Variants in CWC22 observed in about 807,000 individuals in gnomAD.
CWC22 encodes the protein pre-mRNA-splicing factor CWC22 homolog.
CWC22 carries 53 observed loss-of-function variants against 117.2 expected under a neutral mutation model. That is an observed-to-expected ratio of 0.45 (90% CI 0.36 to 0.57). The LOEUF is 0.57. CWC22 is among the 20% of genes least tolerant of loss of function. CWC22 has a pLI of 0.00. For synonymous variants in CWC22, 360 were observed against 355.6 expected (o/e 1.01, Z -0.14); for missense variants, 980 against 1,068.8 (o/e 0.92, Z 1.16).
chr2:179,981,866 G>T lies in CWC22; in HGVS notation c.338C>A (p.Pro113His). The change falls in exon 5 of 20, where the codon CCT (proline) becomes CAT (histidine). Residue 113 changes from proline to histidine, a missense_variant. Transcript: ENST00000410053. The stretch of plus-strand genomic sequence containing the variant: ...CTCATCTTTCTTTTTCTTTGTAGCA[G>T]GTTCATCCTGAGCAGAGGAACTCTG... ...VTQSSSAQDE[P>H]ATKKKKDELD... 6.2e-7 allele frequency: 1 copy of T among 1,613,120 alleles called. No individual in the cohort carries two copies. The highest frequency in any genetic ancestry group is 1.1e-5 in the South Asian group (1 of 90,858).
At chr2:179,973,137 C>G in intron 8 of CWC22, 56 bp downstream of exon 8, 2 of 1,151,052 alleles carry the variant, frequency 1.7e-6, no homozygotes, top group Non-Finnish European at 2.5e-6. Flanking sequence ...GAAGTGGCAT[C>G]AACCCTCTGG....
At chr2:179,997,179 A>G (rs1160929211) in intron 1 of CWC22, among the ~76,000 whole-genome samples, 1 of 152,076 alleles carries the variant, frequency 6.6e-6, no homozygotes, top group Non-Finnish European at 1.5e-5. Context: ...GAGTATATAT[A>G]TGTATAGTAT....
At chr2:179,961,429 C>G (rs1239043645) in intron 13 of CWC22, among the ~76,000 whole-genome samples, 3 of 151,258 alleles carry the variant, frequency 2.0e-5, no homozygotes, top group South Asian at 2.1e-4. Context: ...TGGTACAAGG[C>G]AATGAAATAA....
intron 16 of CWC22, among the ~76,000 whole-genome samples, chr2:179,953,322 G>C (rs1459557702): frequency 2.0e-5 from 3 of 152,002 alleles, no homozygotes; most frequent in Non-Finnish European, 2.9e-5. Context: ...TTGAGATATT[G>C]CCTCATTCTA....
intron 2 of CWC22, among the ~76,000 whole-genome samples, chr2:179,990,747 T>C (rs985996138): frequency 1.3e-5 from 2 of 152,174 alleles, no homozygotes; most frequent in Admixed American, 1.3e-4. Flanking sequence ...ACATCTGTTG[T>C]GAGCAAGAGG....
Position 179,952,514 on chromosome 2 carries a change from C to A in CWC22, c.1774G>T (p.Glu592Ter). ...FVKIFFQELC[E>*]YMGLPKLNAR... ...TTAAGTTTAGGAAGACCCATGTATT[C>A]ACACAGTTCCTGGAAAAATATTTTG... The change falls in exon 17 of 20, where the codon GAA (glutamate) becomes TAA (stop). Residue 592 changes from glutamate to a stop codon, truncating the protein, a stop_gained. Coordinates refer to ENST00000410053, the MANE Select transcript of CWC22 (RefSeq NM_020943.3). LOFTEE classifies it high-confidence loss of function. The A allele has an allele frequency of 6.4e-7, 1 of 1,568,786 alleles. No individual in the cohort carries two copies. The highest frequency in any genetic ancestry group is 1.2e-5 in the South Asian group (1 of 84,724).
intron 19 of CWC22, 46 bp from the exon 20 acceptor site, chr2:179,945,761 A>C (rs765660632): frequency 8.6e-7 from 1 of 1,166,720 alleles, no homozygotes; most frequent in South Asian, 1.5e-5. Context: ...TTCAATCTTA[A>C]TTTCATAATT....
At chr2:180,000,101 T>C (rs1204236178) in intron 1 of CWC22, among the ~76,000 whole-genome samples, 1 of 152,234 alleles carries the variant, frequency 6.6e-6, no homozygotes, top group Non-Finnish European at 1.5e-5. Context: ...AAAACTTACT[T>C]GTTTTAGAAA....
intron 1 of CWC22, among the ~76,000 whole-genome samples, chr2:180,001,378 C>T (rs1313776438): frequency 6.6e-6 from 1 of 150,554 alleles, no homozygotes; most frequent in Non-Finnish European, 1.5e-5. Flanking sequence ...CAGGCTGGAG[C>T]GCAGTGGCAT....
chr2:179,999,134 A>G (rs1439133708), intron 1 of CWC22, among the ~76,000 whole-genome samples: 1 of 152,166 alleles, frequency 6.6e-6, no homozygotes. Context: ...CATAGTTCTA[A>G]CAAAAAATGA....
chr2:179,997,206 A>G (rs889974923), intron 1 of CWC22, among the ~76,000 whole-genome samples: 2 of 146,782 alleles, frequency 1.4e-5, no homozygotes, highest in African/African-American at 5.1e-5. Flanking sequence ...CTAGCGACCA[A>G]AATGGATCTA....
At chr2:179,965,722 T>C (rs557071373) in intron 12 of CWC22, among the ~76,000 whole-genome samples, 156 bp downstream of exon 12, 106 of 152,326 alleles carry the variant, frequency 7.0e-4, no homozygotes, top group African/African-American at 2.0e-3. Context: ...TTGTGGTTTG[T>C]AGGCTGTTTA....
intron 19 of CWC22, among the ~76,000 whole-genome samples, chr2:179,946,216 G>A (rs185677166): frequency 6.2e-4 from 94 of 152,138 alleles, no homozygotes; most frequent in African/African-American, 2.0e-3. Flanking sequence ...AGCAGAGGGG[G>A]TGGGGGACAG....
chr2:179,972,575 C>A (rs1003016809), intron 8 of CWC22, among the ~76,000 whole-genome samples: 2 of 152,094 alleles, frequency 1.3e-5, no homozygotes, highest in African/African-American at 4.8e-5. Context: ...GAGATACCAA[C>A]TTTATTGTTT....
chr2:179,947,450 C>T (rs1041933026), intron 19 of CWC22, among the ~76,000 whole-genome samples: 4 of 152,154 alleles, frequency 2.6e-5, no homozygotes, highest in African/African-American at 9.7e-5. Flanking sequence ...TTATAATTTC[C>T]TAATTTTGGG....
intron 14 of CWC22, among the ~76,000 whole-genome samples, chr2:179,958,647 A>G (rs1165591824): frequency 6.6e-6 from 1 of 152,092 alleles, no homozygotes; most frequent in African/African-American, 2.4e-5. Flanking sequence ...GCCCAGAGAA[A>G]CCAAAAGATT....
chr2:179,954,869 G>C, intron 15 of CWC22, 88 bp downstream of exon 15: 1 of 832,646 alleles, frequency 1.2e-6, no homozygotes, highest in Non-Finnish European at 2.0e-6. Context: ...GTGGTAATAT[G>C]TTTTTAAATG....
At chr2:179,983,590 TTATAA>T (rs1179224567) in intron 4 of CWC22, among the ~76,000 whole-genome samples, 3 of 152,178 alleles carry the variant, frequency 2.0e-5, no homozygotes, top group Non-Finnish European at 4.4e-5. Flanking sequence ...GCATGTGTCT[TTATAA>T]TATAATTATT....
intron 1 of CWC22, among the ~76,000 whole-genome samples, chr2:179,997,384 T>A (rs1294754942): frequency 6.6e-6 from 1 of 151,728 alleles, no homozygotes; most frequent in Non-Finnish European, 1.5e-5. Context: ...TTTTAAAAAA[T>A]ATTTAAAACA....
Sources: allele counts gnomAD v4.1 joint callset (sites outside exome capture counted in the v4.1 genomes callset), GRCh38; gene constraint gnomAD v4.1.1; transcripts MANE v1.5; gene names NCBI Gene and HGNC (gene_info 2026-07-23, HGNC 2026-07-21).